Variants in RAI1 observed in about 807,000 individuals in gnomAD.
RAI1 encodes retinoic acid induced 1.
Under a neutral mutation model 123.8 loss-of-function variants are expected in RAI1, and 9 were observed. The observed-to-expected ratio is 0.07, with a 90% confidence interval of 0.04 to 0.13. RAI1 has a LOEUF of 0.13. Among genes scored for constraint, RAI1 ranks in the 10% least tolerant of loss-of-function variants. RAI1 has a pLI of 1.00. For missense variants in RAI1, 2,256 were observed against 2,545.8 expected (o/e 0.89, Z 2.45); for synonymous variants, 1,231 against 1,127.3 (o/e 1.09, Z -1.84).
rs1360224354 is a variant in RAI1, at chr17:17,750,548, CTT to C, written c.-17+26390_-17+26391del. On this transcript the variant is annotated intron_variant, in intron 2 of 5. Transcript: ENST00000353383. ...ACCAGCCTAACCAACATGGAGAAAC[CTT>C]GTCTCTACTAAAAATACAAAATTAG... Among the ~76,000 whole-genome samples the C allele has an allele frequency of 8.4e-3, 1,273 of 151,944 alleles. 7 individuals carry two copies. Among genetic ancestry groups the C allele is most frequent in the African/African-American group, 0.028 (1,166 of 41,408 alleles).
chr17:17,749,752 C>T (rs901837991), intron 2 of RAI1, among the ~76,000 whole-genome samples: 9 of 152,322 alleles, frequency 5.9e-5, no homozygotes, highest in Middle Eastern at 6.8e-3. Flanking sequence ...TAAGGTTGGT[C>T]CTTCTTGCCA....
rs1179428453 is a variant in RAI1 at position 17,804,058 on chromosome 17, C to T, written c.5659+209C>T. The T allele has an allele frequency of 5.9e-6, 4 of 676,572 alleles. No individual in the cohort carries two copies. The South Asian group carries it at 6.3e-5, about 11-fold the overall frequency. The allele number at this position is 676,572 out of a possible 1,614,324, so 41.9% of individuals were successfully genotyped here. On this transcript the variant is annotated intron_variant, in intron 4 of 5. Coordinates refer to ENST00000353383, the MANE Select transcript of RAI1 (RefSeq NM_030665.4). ...TGGAAATGAGGCATTCCCCAGGCAC[C>T]TGCTTGAGGAGTGCCCAGAGCAGTG...
Position 17,809,144 on chromosome 17 carries a change from A to G in RAI1, c.5660-246A>G, listed in dbSNP as rs1397051557. On this transcript the variant is annotated intron_variant, in intron 4 of 5. Transcript: ENST00000353383. The surrounding 1 kb of genome is among the most constrained non-coding windows in gnomAD (Gnocchi z 4.9). ...TGAGGAGGGGCGGCACGTGGAACTC[A>G]GGGGGAAAAGCTCTCCGCGGAGGAG... 1.0e-5 allele frequency: 6 copies of G among 586,530 alleles called. No individual in the cohort carries two copies. Among genetic ancestry groups the G allele is most frequent in the Non-Finnish European group, 1.9e-5 (6 of 323,778 alleles). 36.3% of individuals were successfully genotyped at this position (586,530 alleles called of 1,614,324 possible).
intron 2 of RAI1, among the ~76,000 whole-genome samples, chr17:17,760,038 A>G (rs1382643585): frequency 6.6e-6 from 1 of 152,198 alleles, no homozygotes; most frequent in African/African-American, 2.4e-5. Context: ...CTGTCCATTC[A>G]CTCATCTAAC....
At chr17:17,776,503 TG>T (rs1183223318) in intron 2 of RAI1, among the ~76,000 whole-genome samples, 1 of 152,082 alleles carries the variant, frequency 6.6e-6, no homozygotes, top group Non-Finnish European at 1.5e-5. Context: ...CCTGAGTAGC[TG>T]GGATTACAGG....
chr17:17,778,787 G>A (rs2142997272), intron 2 of RAI1: 2 of 456,770 alleles, frequency 4.4e-6, no homozygotes, highest in Admixed American at 4.7e-5. Flanking sequence ...GAACACAGCA[G>A]TTCTGGGGCC....
intron 1 of RAI1, among the ~76,000 whole-genome samples, chr17:17,708,751 G>A (rs912473580): frequency 1.3e-5 from 2 of 152,196 alleles, no homozygotes; most frequent in Non-Finnish European, 2.9e-5. Flanking sequence ...CAGAGCAATG[G>A]TCCAGAAGTT....
chr17:17,810,056 C>G lies in RAI1; in HGVS notation c.*75C>G. ...GCCGCCGAAGGAGAGGAGCCGCCTGCGCAGCCCCCGGGCCTTTGAGCTGCT... is the reference window on the plus strand; with the variant it reads ...GCCGCCGAAGGAGAGGAGCCGCCTGGGCAGCCCCCGGGCCTTTGAGCTGCT... On this transcript the variant is annotated 3_prime_UTR_variant, in exon 6 of 6. Coordinates refer to ENST00000353383, the MANE Select transcript of RAI1 (RefSeq NM_030665.4). The surrounding 1 kb of genome is among the most constrained non-coding windows in gnomAD (Gnocchi z 4.6). 1 of 1,532,726 alleles carries G rather than the reference C, an allele frequency of 6.5e-7. No homozygotes were observed. Among genetic ancestry groups the G allele is most frequent in the Non-Finnish European group, 8.8e-7 (1 of 1,138,758 alleles). The allele number at this position is 1,532,726 out of a possible 1,614,324, so 94.9% of individuals were successfully genotyped here.
intron 1 of RAI1, among the ~76,000 whole-genome samples, chr17:17,716,471 CAG>C (rs1915717487): frequency 6.6e-6 from 1 of 152,326 alleles, no homozygotes; most frequent in Admixed American, 6.5e-5. Flanking sequence ...TGTGTACACA[CAG>C]ATGTATATGC....
At position 17,701,733 on chromosome 17, in the gene RAI1, T is replaced by C. The variant is rs547826692; in HGVS notation, c.-149+19940T>C. On this transcript the variant is annotated intron_variant, in intron 1 of 5. Transcript: ENST00000353383. ...CCTCAGCCTCCCAAGTAGCTGAGACTACAAGGTGTGCACCACCATGCCTGG... is the reference window on the plus strand; with the variant it reads ...CCTCAGCCTCCCAAGTAGCTGAGACCACAAGGTGTGCACCACCATGCCTGG... Among the ~76,000 whole-genome samples, 16 of 152,312 alleles carry C rather than the reference T, an allele frequency of 1.1e-4. No individual in the cohort carries two copies. In the East Asian group the frequency reaches 2.9e-3, roughly 28 times the overall value.
chr17:17,784,416 TGACA>T (rs1193401384), intron 2 of RAI1, among the ~76,000 whole-genome samples: 2 of 152,196 alleles, frequency 1.3e-5, no homozygotes, highest in African/African-American at 2.4e-5. Context: ...CCTTTCTGTT[TGACA>T]GACAGGCACT....
At chr17:17,694,788 C>T (rs978188142) in intron 1 of RAI1, among the ~76,000 whole-genome samples, 14 of 150,126 alleles carry the variant, frequency 9.3e-5, no homozygotes, top group Non-Finnish European at 1.8e-4. Flanking sequence ...CTCGCGTCGC[C>T]ATGGCAGCGC....
At chr17:17,782,989 T>C (rs2031655327) in intron 2 of RAI1, among the ~76,000 whole-genome samples, 1 of 151,992 alleles carries the variant, frequency 6.6e-6, no homozygotes. Context: ...TTTGGTCAAG[T>C]GGAGTGTGCA....
intron 2 of RAI1, chr17:17,766,085 T>C (rs1361578113): frequency 1.3e-5 from 2 of 152,266 alleles, no homozygotes; most frequent in African/African-American, 2.4e-5. Context: ...GGCCTTCTTG[T>C]GAACTCACAT....
chr17:17,755,060 G>A (rs2030379320), intron 2 of RAI1, among the ~76,000 whole-genome samples: 1 of 152,216 alleles, frequency 6.6e-6, no homozygotes. Context: ...TTCACACCAT[G>A]CCTCCCCCTG....
At position 17,807,443 on chromosome 17, in the gene RAI1, A is replaced by G. The variant is rs1046635838; in HGVS notation, c.5660-1947A>G. Among the ~76,000 whole-genome samples the G allele has an allele frequency of 2.6e-5, 4 of 152,166 alleles. No individual in the cohort carries two copies. In the South Asian group the frequency reaches 6.2e-4, roughly 24 times the overall value. On this transcript the variant is annotated intron_variant, in intron 4 of 5. Transcript: ENST00000353383. ...GGCCTACTCATCCTGCCCCCTTCCA[A>G]TTCTTGTTAAGGAACCCACTTTGGA... is the stretch of plus-strand genomic sequence containing the variant.
intron 2 of RAI1, among the ~76,000 whole-genome samples, chr17:17,770,073 G>A (rs530208887): frequency 1.2e-3 from 175 of 152,110 alleles, no homozygotes; most frequent in Non-Finnish European, 2.1e-3. Context: ...GGAACCAGGC[G>A]GTACAAGGCC....
In RAI1 at chr17:17,797,111, G is replaced by T. The variant is rs2032287542; in HGVS notation, c.4163G>T (p.Gly1388Val). 6.2e-7 allele frequency: 1 copy of T among 1,614,040 alleles called. No homozygotes were observed. The highest frequency in any genetic ancestry group is 8.5e-7 in the Non-Finnish European group (1 of 1,180,046). The change falls in exon 3 of 6, where the codon GGG becomes GTG. Residue 1388 changes from glycine (G) to valine (V), a missense_variant. Physicochemically the swap from Gly to Val is moderately radical, Grantham distance 109. Coordinates refer to ENST00000353383, the MANE Select transcript of RAI1 (RefSeq NM_030665.4). The stretch of plus-strand genomic sequence containing the variant: ...GAAGGCCTGGTAAATGTGGGCACCG[G>T]GCAGAAGCTCCCAACTTCTGGGGCT... ...VEEGLVNVGT[G>V]QKLPTSGADP...
chr17:17,798,613 C>A, intron 3 of RAI1, 100 bp downstream of exon 3: 1 of 1,537,626 alleles, frequency 6.5e-7, no homozygotes, highest in Non-Finnish European at 8.7e-7. Flanking sequence ...CAGTGTGGGC[C>A]AAATGTGTCT....
Sources: allele counts gnomAD v4.1 joint callset (sites outside exome capture counted in the v4.1 genomes callset), GRCh38; gene constraint gnomAD v4.1.1; non-coding constraint Gnocchi (gnomAD v3.1); transcripts MANE v1.5; gene names NCBI Gene and HGNC (gene_info 2026-07-23, HGNC 2026-07-21).